SFMBT1: variants seen among roughly 807,000 people sequenced by gnomAD.
SFMBT1 encodes Scm like with four mbt domains 1.
A neutral mutation model predicts 108.7 loss-of-function variants in SFMBT1; 32 were observed. The ratio of observed to expected loss-of-function variants is 0.29; its 90% CI spans 0.22 to 0.40. The LOEUF is 0.40. Ranked by LOEUF, SFMBT1 falls within the 10% of genes least tolerant of loss-of-function variation. SFMBT1 has a pLI of 1.00. For synonymous variants in SFMBT1, 348 were observed against 369.5 expected (o/e 0.94, Z 0.67); for missense variants, 816 against 1,059.6 (o/e 0.77, Z 3.19).
chr3:52,915,024 C>T (rs922482680), intron 14 of SFMBT1, among the ~76,000 whole-genome samples: 4 of 152,144 alleles, frequency 2.6e-5, no homozygotes, highest in African/African-American at 9.7e-5. Flanking sequence ...TAAAGTGTGG[C>T]CACCACACCT....
chr3:53,036,485 G>A lies in SFMBT1; in HGVS notation c.-131+9331C>T, dbSNP rs1340708852. 5.3e-5 allele frequency among the ~76,000 whole-genome samples: 8 copies of A among 152,318 alleles called. No individual in the cohort carries two copies. The South Asian group carries it at 1.4e-3, about 28-fold the overall frequency. On this transcript the variant is annotated intron_variant, in intron 1 of 20. Transcript: ENST00000394752. Reference sequence around the variant, plus strand: ...CCCAGTGGACAAAACAAACACCATCGCTGAGGAGCAATGTAAAGAAAGAGA... The same window carrying A: ...CCCAGTGGACAAAACAAACACCATCACTGAGGAGCAATGTAAAGAAAGAGA...
rs77670157 is a variant in SFMBT1, at chr3:52,952,402, T to G, written c.123+1915A>C. Reference sequence around the variant, plus strand: ...AAGTATGCCCTACTGAACATTGCTATGGGCTAAACTGTTCACCCCAAAATT... The same window carrying G: ...AAGTATGCCCTACTGAACATTGCTAGGGGCTAAACTGTTCACCCCAAAATT... On this transcript the variant is annotated intron_variant, in intron 3 of 20. Coordinates refer to ENST00000394752, the MANE Select transcript of SFMBT1 (RefSeq NM_016329.4). Among the ~76,000 whole-genome samples, 599 of 152,322 alleles carry G rather than the reference T, an allele frequency of 3.9e-3. 2 individuals are homozygous for G. The highest frequency in any genetic ancestry group is 0.01 in the Middle Eastern group (3 of 294).
At position 52,960,650 on chromosome 3, in the gene SFMBT1, T is replaced by C. The variant is rs188881486; in HGVS notation, c.29-6239A>G. ...ATCTATCTATCTCTCTATCTATCTA[T>C]GCATGTCTGTGTATATACCCAAAAA... On this transcript the variant is annotated intron_variant, in intron 2 of 20. Transcript: ENST00000394752. 4.8e-3 allele frequency among the ~76,000 whole-genome samples: 725 copies of C among 152,262 alleles called. 4 individuals are homozygous for C. The highest frequency in any genetic ancestry group is 0.016 in the African/African-American group (648 of 41,554).
At chr3:52,984,707 C>A (rs978437322) in intron 1 of SFMBT1, among the ~76,000 whole-genome samples, 4 of 66,150 alleles carry the variant, frequency 6.0e-5, no homozygotes, top group African/African-American at 1.7e-4. Flanking sequence ...ATAATATATA[C>A]TGAATACTAT....
At chr3:53,032,807 T>A (rs534808716) in intron 1 of SFMBT1, among the ~76,000 whole-genome samples, 33 of 152,226 alleles carry the variant, frequency 2.2e-4, no homozygotes, top group African/African-American at 7.9e-4. Context: ...AATTGTAATA[T>A]TTACAACAGT....
At chr3:52,908,112 T>G (rs1281208871) in intron 17 of SFMBT1, among the ~76,000 whole-genome samples, 1 of 150,198 alleles carries the variant, frequency 6.7e-6, no homozygotes, top group East Asian at 1.9e-4. Flanking sequence ...TCTTGCTCTG[T>G]CGCCAGGCTG....
intron 1 of SFMBT1, chr3:53,045,078 A>T (rs1559562172): frequency 6.6e-6 from 1 of 152,134 alleles, no homozygotes; most frequent in African/African-American, 2.4e-5. Context: ...CTTTAGGAAC[A>T]GAAATCGAAA....
chr3:53,029,555 A>T (rs1201398386), intron 1 of SFMBT1, among the ~76,000 whole-genome samples: 2 of 152,234 alleles, frequency 1.3e-5, no homozygotes, highest in Non-Finnish European at 2.9e-5. Context: ...GCCAATGTAC[A>T]AAAGAATACC....
chr3:52,980,941 T>C (rs1318948507), intron 1 of SFMBT1, among the ~76,000 whole-genome samples: 1 of 152,110 alleles, frequency 6.6e-6, no homozygotes, highest in African/African-American at 2.4e-5. Context: ...GGCGGGTGGA[T>C]CACCTGAGGT....
intron 1 of SFMBT1, among the ~76,000 whole-genome samples, chr3:52,996,508 C>T (rs1056081871): frequency 4.0e-5 from 6 of 149,962 alleles, no homozygotes; most frequent in South Asian, 4.2e-4. Flanking sequence ...GCACCACACC[C>T]GGACAATAAT....
At position 52,934,854 on chromosome 3, in the gene SFMBT1, G is replaced by C. The variant is rs767839291; in HGVS notation, c.412C>G (p.Leu138Val). 6 of 1,613,590 alleles carry C rather than the reference G, an allele frequency of 3.7e-6. No homozygotes were observed. The African/African-American group carries it at 6.7e-5, about 18-fold the overall frequency. ...SDWDEFLRQT[L>V]IGACSPPVPL... is the part of the protein sequence containing the mutation. Reference sequence around the variant, plus strand: ...ACAGGAGGACTACATGCTCCTATCAGGGTCTGCCGCAGAAACTCATCCCAG... The same window carrying C: ...ACAGGAGGACTACATGCTCCTATCACGGTCTGCCGCAGAAACTCATCCCAG... Residue 138 changes from leucine to valine, a missense_variant, in exon 5 of 21, where the codon CTG (leucine) becomes GTG (valine). By Grantham distance (32) the Leu-to-Val change is conservative. This residue lies in a region of SFMBT1 where 495 missense variants were observed against 607.4 expected (regional missense o/e 0.81). Transcript: ENST00000394752.
At chr3:53,004,573 T>G (rs1335320855) in intron 1 of SFMBT1, among the ~76,000 whole-genome samples, 1 of 149,950 alleles carries the variant, frequency 6.7e-6, no homozygotes, top group African/African-American at 2.4e-5. Context: ...CGCCTGGCCA[T>G]TCTTTCTTTT....
chr3:52,936,956 C>G (rs1019576673), intron 4 of SFMBT1, among the ~76,000 whole-genome samples: 1 of 147,668 alleles, frequency 6.8e-6, no homozygotes, highest in African/African-American at 2.5e-5. Flanking sequence ...ATTCTCCTGC[C>G]TCAGCCTCCT....
In SFMBT1 at chr3:52,907,318, C is replaced by A; in HGVS notation, c.2086-4G>T. The A allele has an allele frequency of 6.2e-7, 1 of 1,609,046 alleles. No individual in the cohort carries two copies. The highest frequency in any genetic ancestry group is 1.1e-5 in the South Asian group (1 of 90,372). On this transcript the variant is annotated splice_polypyrimidine_tract_variant and splice_region_variant and intron_variant, in intron 18 of 20. Transcript: ENST00000394752. ...CCTCATCTTCACCCCCACTTCCCTG[C>A]AGGAAAAGGAGAGAAGTCTCATTGA...
intron 2 of SFMBT1, among the ~76,000 whole-genome samples, chr3:52,956,260 G>A (rs756907668): frequency 9.2e-5 from 14 of 152,182 alleles, no homozygotes; most frequent in Non-Finnish European, 1.9e-4. Flanking sequence ...AAGAGATGGA[G>A]ACCATCCTGG....
intron 2 of SFMBT1, among the ~76,000 whole-genome samples, chr3:52,959,749 C>A (rs554252784): frequency 1.3e-5 from 2 of 152,266 alleles, no homozygotes; most frequent in African/African-American, 4.8e-5. Flanking sequence ...AATTTGCCAC[C>A]TAGATTCTTA....
intron 4 of SFMBT1, among the ~76,000 whole-genome samples, chr3:52,935,935 C>G (rs1486449331): frequency 6.6e-6 from 1 of 152,100 alleles, no homozygotes; most frequent in East Asian, 1.9e-4. Flanking sequence ...TCATTGGTTA[C>G]GTCCCTGTGG....
Position 52,962,492 on chromosome 3 carries a change from G to T in SFMBT1, c.28+6609C>A, listed in dbSNP as rs80064130. Among the ~76,000 whole-genome samples the T allele has an allele frequency of 7.9e-5, 12 of 151,290 alleles. 1 individual carries two copies. In the Middle Eastern group the frequency reaches 0.01, roughly 129 times the overall value. On this transcript the variant is annotated intron_variant, in intron 2 of 20. Coordinates refer to ENST00000394752, the MANE Select transcript of SFMBT1 (RefSeq NM_016329.4). ...ACACTACCAAACAGTATTTTTTTTT[G>T]TATCCCTATTTTTTGTATAAGATGG...
chr3:52,983,256 CAATATT>C (rs1303430951), intron 1 of SFMBT1, among the ~76,000 whole-genome samples: 2 of 152,126 alleles, frequency 1.3e-5, no homozygotes, highest in African/African-American at 4.8e-5. Context: ...AGTGAAGAGT[CAATATT>C]AATATATTTT....
Sources: gnomAD v4.1 joint callset for allele counts (sites outside exome capture counted in the v4.1 genomes callset) on GRCh38, gnomAD v4.1.1 for gene constraint, gnomAD v4.1.1 regional missense constraint, MANE v1.5 for transcripts, NCBI Gene and HGNC (gene_info 2026-07-23, HGNC 2026-07-21) for gene names.